Variants in XIRP2 observed in about 807,000 individuals in gnomAD.
The protein encoded by XIRP2 is xin actin binding repeat containing 2.
In XIRP2, 236 loss-of-function variants were observed where a neutral mutation model predicts 277.0. That is an observed-to-expected ratio of 0.85 (90% CI 0.77 to 0.95). XIRP2 has a LOEUF of 0.95. Ranked by LOEUF, XIRP2 falls within the 40% of genes least tolerant of loss-of-function variation. The probability of loss-of-function intolerance (pLI) is 0.00; values close to 1 mark genes in which losing one functional copy is unlikely to be tolerated. For synonymous variants in XIRP2, 1,490 were observed against 1,416.5 expected (o/e 1.05, Z -1.17); for missense variants, 4,640 against 4,157.5 (o/e 1.12, Z -3.19).
intron 2 of XIRP2, among the ~76,000 whole-genome samples, chr2:167,068,291 A>T (rs1008470998): frequency 1.4e-4 from 21 of 152,156 alleles, no homozygotes; most frequent in African/African-American, 5.1e-4. Flanking sequence ...TTTTCCTTCT[A>T]TGTTTCCAGC....
chr2:167,024,600 T>C (rs1164086094), intron 2 of XIRP2, among the ~76,000 whole-genome samples: 11 of 152,160 alleles, frequency 7.2e-5, no homozygotes, highest in Non-Finnish European at 1.3e-4. Context: ...TTGTCATAGA[T>C]AGCTCTTATT....
chr2:167,210,890 G>A lies in XIRP2; in HGVS notation c.718G>A (p.Ala240Thr), dbSNP rs901858155. 3 of 1,613,946 alleles carry A rather than the reference G, an allele frequency of 1.9e-6. No individual in the cohort carries two copies. The highest frequency in any genetic ancestry group is 1.7e-5 in the Admixed American group (1 of 60,016). ...VSRGDCRSFS[A>T]NMMEESEMCA... is the part of the protein sequence containing the mutation. ...CAGGGGTGACTGCCGCAGCTTCTCT[G>A]CTAATGTAAGCTGCTCCTAATGGTT... Residue 240 changes from alanine (A) to threonine (T), a missense_variant, in exon 4 of 11, where the codon GCT (alanine) becomes ACT (threonine). Transcript: ENST00000409195.
intron 2 of XIRP2, among the ~76,000 whole-genome samples, chr2:167,130,524 C>T (rs1691342701): frequency 6.6e-6 from 1 of 152,214 alleles, no homozygotes; most frequent in Admixed American, 6.5e-5. Flanking sequence ...CAAACTAAAG[C>T]AAACATCTCA....
intron 3 of XIRP2, among the ~76,000 whole-genome samples, chr2:167,164,616 A>G (rs78400394): frequency 0.097 from 14,740 of 152,172 alleles, 760 homozygotes; most frequent in South Asian, 0.15. Context: ...TTTTACTGGC[A>G]ATAACTCAAA....
intron 3 of XIRP2, among the ~76,000 whole-genome samples, chr2:167,175,263 C>T (rs1001220711): frequency 6.6e-6 from 1 of 152,128 alleles, no homozygotes; most frequent in Admixed American, 6.5e-5. Flanking sequence ...GTATTGGGTG[C>T]ATGTATATTT....
intron 2 of XIRP2, among the ~76,000 whole-genome samples, chr2:166,913,140 G>C (rs1037082924): frequency 1.3e-5 from 2 of 152,186 alleles, no homozygotes; most frequent in African/African-American, 4.8e-5. Context: ...CTGTCAGACA[G>C]GGATGTTTAA....
intron 2 of XIRP2, among the ~76,000 whole-genome samples, chr2:166,933,369 C>T (rs138316379): frequency 0.011 from 1,603 of 151,956 alleles, 38 homozygotes; most frequent in African/African-American, 0.036. Flanking sequence ...AGGATGATCT[C>T]GATCTCCTGA....
rs768866622 is a variant in XIRP2 at position 167,248,708 on chromosome 2, AT to A, written c.7321del (p.Ser2441ProfsTer26). 75 of 1,613,582 alleles carry A rather than the reference AT, an allele frequency of 4.6e-5. No individual in the cohort carries two copies. The highest frequency in any genetic ancestry group is 5.8e-5 in the Non-Finnish European group (68 of 1,179,826). On this transcript the variant is annotated frameshift_variant, in exon 9 of 11. Coordinates refer to ENST00000409195, the MANE Select transcript of XIRP2 (RefSeq NM_152381.6). LOFTEE classifies it high-confidence loss of function. Reference protein sequence around the residue: ...LPKHIKDNKNDFSPKVELATS... With the variant: ...LPKHIKDNKNXFSPKVELATS... The stretch of plus-strand genomic sequence containing the variant: ...AAGCATATAAAAGATAATAAGAACG[AT>A]TTTTCCCCCAAAGTTGAACTGGCAA...
intron 2 of XIRP2, among the ~76,000 whole-genome samples, chr2:167,085,857 C>T (rs1233321938): frequency 6.6e-6 from 1 of 152,270 alleles, no homozygotes; most frequent in East Asian, 1.9e-4. Context: ...AGATGGGTTT[C>T]CTGAATACAG....
rs371448795 is a variant in XIRP2, at chr2:167,259,112, T to G, written c.*1295T>G. The G allele has an allele frequency of 1.9e-6, 3 of 1,611,572 alleles. No homozygotes were observed. Among genetic ancestry groups the G allele is most frequent in the Non-Finnish European group, 2.5e-6 (3 of 1,178,198 alleles). Reference sequence around the variant, plus strand: ...CAAGAAAAATGAGAACATTTTCAATTGTGATTTAATAGATTCTGTAGATCA... The same window carrying G: ...CAAGAAAAATGAGAACATTTTCAATGGTGATTTAATAGATTCTGTAGATCA... On this transcript the variant is annotated 3_prime_UTR_variant, in exon 11 of 11. Transcript: ENST00000409195.
At chr2:167,064,167 A>G (rs1251203718) in intron 2 of XIRP2, among the ~76,000 whole-genome samples, 4 of 151,830 alleles carry the variant, frequency 2.6e-5, no homozygotes, top group Non-Finnish European at 5.9e-5. Flanking sequence ...TAATATTCAT[A>G]TGCATTTTGA....
At chr2:167,145,277 T>C (rs200728261) in intron 3 of XIRP2, among the ~76,000 whole-genome samples, 3 of 152,230 alleles carry the variant, frequency 2.0e-5, no homozygotes, top group East Asian at 3.9e-4. Flanking sequence ...TGTAAGCTAA[T>C]TAAGCACAAA....
intron 2 of XIRP2, among the ~76,000 whole-genome samples, chr2:166,926,923 C>G (rs1685202820): frequency 6.6e-6 from 1 of 152,096 alleles, no homozygotes; most frequent in South Asian, 2.1e-4. Context: ...ACCCTGAGAA[C>G]TTTGCTTATT....
At chr2:167,041,504 C>G (rs1688660500) in intron 2 of XIRP2, among the ~76,000 whole-genome samples, 1 of 152,068 alleles carries the variant, frequency 6.6e-6, no homozygotes, top group Non-Finnish European at 1.5e-5. Flanking sequence ...GTTGAAAAAG[C>G]AATTACAAGA....
intron 2 of XIRP2, among the ~76,000 whole-genome samples, chr2:167,051,077 G>A (rs1688901341): frequency 6.6e-6 from 1 of 151,920 alleles, no homozygotes; most frequent in East Asian, 1.9e-4. Context: ...CCCTTTTGTA[G>A]CCATATTCCA....
At chr2:167,090,297 T>A (rs1292636552) in intron 2 of XIRP2, among the ~76,000 whole-genome samples, 1 of 152,132 alleles carries the variant, frequency 6.6e-6, no homozygotes, top group African/African-American at 2.4e-5. Flanking sequence ...TCACAACTGA[T>A]ACGTGATTGA....
intron 2 of XIRP2, among the ~76,000 whole-genome samples, chr2:166,939,725 A>C (rs1326028364): frequency 6.8e-5 from 10 of 146,766 alleles, no homozygotes; most frequent in African/African-American, 2.2e-4. Flanking sequence ...AAAACAAAAC[A>C]AAAAAAAAAC....
At position 167,074,089 on chromosome 2, in the gene XIRP2, G is replaced by A. The variant is rs116518048; in HGVS notation, c.409-61820G>A. Reference sequence around the variant, plus strand: ...AAGTAGTATGGGAGAAAAAACTTTAGAGTCATGTAAATCTGAATTTCCACA... The same window carrying A: ...AAGTAGTATGGGAGAAAAAACTTTAAAGTCATGTAAATCTGAATTTCCACA... On this transcript the variant is annotated intron_variant, in intron 2 of 10. Coordinates refer to ENST00000409195, the MANE Select transcript of XIRP2 (RefSeq NM_152381.6). 7.0e-3 allele frequency among the ~76,000 whole-genome samples: 1,068 copies of A among 152,168 alleles called. 13 individuals are homozygous for A. The highest frequency in any genetic ancestry group is 0.024 in the African/African-American group (1,010 of 41,536).
rs550529718 is a variant in XIRP2, at chr2:166,975,930, C to CAAA, written c.408+72069_408+72071dup. Among the ~76,000 whole-genome samples, 271 of 45,700 alleles carry CAAA rather than the reference C, an allele frequency of 5.9e-3. 14 individuals carry two copies. The highest frequency in any genetic ancestry group is 0.029 in the East Asian group (50 of 1,702). The allele number at this position is 45,700 out of a possible 152,430, so 30.0% of individuals were successfully genotyped here. On this transcript the variant is annotated intron_variant, in intron 2 of 10. Transcript: ENST00000409195. Reference sequence around the variant, plus strand: ...TGGGTGACAGAGCGAGACTCCGTCTCAAAAAAAAAAAAAAAAAAAAAAAAA... The same window carrying CAAA: ...TGGGTGACAGAGCGAGACTCCGTCTCAAAAAAAAAAAAAAAAAAAAAAAAAAAA...
Sources: allele counts gnomAD v4.1 joint callset (sites outside exome capture counted in the v4.1 genomes callset), GRCh38; gene constraint gnomAD v4.1.1; transcripts MANE v1.5; gene names NCBI Gene and HGNC (gene_info 2026-07-23, HGNC 2026-07-21).